The following CELSR1 variants were observed in gnomAD, a reference collection of about 807,000 sequenced individuals.
CELSR1 encodes the protein cadherin EGF LAG seven-pass G-type receptor 1.
Under a neutral mutation model 249.1 loss-of-function variants are expected in CELSR1, and 110 were observed. That is an observed-to-expected ratio of 0.44 (90% CI 0.38 to 0.52). CELSR1 has a LOEUF of 0.52. Among genes scored for constraint, CELSR1 ranks in the 20% least tolerant of loss-of-function variants. The pLI is 0.00. For synonymous variants in CELSR1, 2,113 were observed against 1,900.0 expected (o/e 1.11, Z -2.92); for missense variants, 4,109 against 4,296.4 (o/e 0.96, Z 1.22).
In CELSR1 at chr22:46,394,145, G is replaced by A. The variant is rs1472036032; in HGVS notation, c.5961C>T (p.Cys1987=). 6.2e-7 allele frequency: 1 copy of A among 1,613,738 alleles called. No individual in the cohort carries two copies. Among genetic ancestry groups the A allele is most frequent in the African/African-American group, 1.3e-5 (1 of 75,064 alleles). Reference sequence around the variant, plus strand: ...GATCATGGGGGCGGGGCCTCACCTTGCATTGGCACTGGCCGTTGGTCTTAT... The same window carrying A: ...GATCATGGGGGCGGGGCCTCACCTTACATTGGCACTGGCCGTTGGTCTTAT... The part of the protein sequence containing the change: ...DCNKTNGQCQ[C]KENYYKLLAQ... The change falls in exon 14 of 35, where the codon TGC becomes TGT. Residue 1987 remains cysteine, a synonymous_variant. Transcript: ENST00000674500.
rs192624697 is a variant in CELSR1 at position 46,440,489 on chromosome 22, G to A, written c.4184-1078C>T. On this transcript the variant is annotated intron_variant, in intron 2 of 34. Transcript: ENST00000674500. This position sits in a 1 kb window ranked among gnomAD's most constrained non-coding sequence, Gnocchi z 4.7. The stretch of plus-strand genomic sequence containing the variant: ...GCTGGGATTACAGGCGTGAGCCACC[G>A]CGCCCGGCCAGTATGATCAATCTTT... 1.7e-3 allele frequency among the ~76,000 whole-genome samples: 254 copies of A among 152,308 alleles called. 1 individual carries two copies. The highest frequency in any genetic ancestry group is 5.1e-3 in the Admixed American group (78 of 15,300).
intron 2 of CELSR1, among the ~76,000 whole-genome samples, chr22:46,460,214 C>T (rs1569179967): frequency 6.6e-6 from 1 of 151,852 alleles, no homozygotes; most frequent in Non-Finnish European, 1.5e-5. Flanking sequence ...CACACACACA[C>T]ACCCATTAGC....
chr22:46,464,414 C>T lies in CELSR1; in HGVS notation c.3545-69G>A. On this transcript the variant is annotated intron_variant, in intron 1 of 34. Coordinates refer to ENST00000674500, the MANE Select transcript of CELSR1 (RefSeq NM_001378328.1). The surrounding 1 kb of genome is among the most constrained non-coding windows in gnomAD (Gnocchi z 8.5). ...GTCACAGGTCCTATAGGCCCCATCC[C>T]AGGAGCAGCCTCAGGCATGCTTGGC... is the stretch of plus-strand genomic sequence containing the variant. 6.6e-7 allele frequency: 1 copy of T among 1,517,374 alleles called. No individual in the cohort carries two copies. 94.0% of individuals were successfully genotyped at this position (1,517,374 alleles called of 1,614,324 possible). A position where few individuals can be genotyped will look rare whatever the true frequency, so the allele number is the denominator to read the frequency against.
In CELSR1 at chr22:46,364,711, C is replaced by G. The variant is rs145497298; in HGVS notation, c.8580G>C (p.Pro2860=). The stretch of plus-strand genomic sequence containing the variant: ...CCAGGCTCTGGTCGGGCCAGCCGGC[C>G]GGAACGTGGTTGGCCACAGCGTCCC... ...PKGDAVANHV[P]AGWPDQSLAE... Residue 2860 remains proline, a synonymous_variant, in exon 33 of 35, where the codon CCG becomes CCC. Coordinates refer to ENST00000674500, the MANE Select transcript of CELSR1 (RefSeq NM_001378328.1). 5 of 1,612,274 alleles carry G rather than the reference C, an allele frequency of 3.1e-6. No homozygotes were observed. Among genetic ancestry groups the G allele is most frequent in the Non-Finnish European group, 3.4e-6 (4 of 1,179,832 alleles).
intron 20 of CELSR1, among the ~76,000 whole-genome samples, chr22:46,382,546 G>T (rs1422343106): frequency 1.3e-5 from 2 of 152,096 alleles, no homozygotes; most frequent in Admixed American, 1.3e-4. Flanking sequence ...AAAGTGCTGG[G>T]ATTACAGCCG....
rs780558309 is a variant in CELSR1 at position 46,365,251 on chromosome 22, G to A, written c.8534C>T (p.Ala2845Val). Residue 2845 changes from alanine (A) to valine (V), a missense_variant, in exon 32 of 35, where the codon GCC becomes GTC. By Grantham distance (64) the Ala-to-Val change is moderately conservative (BLOSUM62 0). Coordinates refer to ENST00000674500, the MANE Select transcript of CELSR1 (RefSeq NM_001378328.1). ...CTCACCTTTGGGGGTGCTGTGGACGGCGCCCCTGGCCGGGTCCCATTTTTC... is the reference window on the plus strand; with the variant it reads ...CTCACCTTTGGGGGTGCTGTGGACGACGCCCCTGGCCGGGTCCCATTTTTC... ...AEEKWDPARG[A>V]VHSTPKGDAV... The A allele has an allele frequency of 6.2e-7, 1 of 1,612,178 alleles. No homozygotes were observed. The highest frequency in any genetic ancestry group is 8.5e-7 in the Non-Finnish European group (1 of 1,179,906).
chr22:46,375,213 C>T (rs1270525720), intron 24 of CELSR1, among the ~76,000 whole-genome samples: 3 of 152,208 alleles, frequency 2.0e-5, no homozygotes, highest in Non-Finnish European at 4.4e-5. Flanking sequence ...GCCGGTCCAG[C>T]CCCACAGACA....
intron 5 of CELSR1, among the ~76,000 whole-genome samples, chr22:46,424,414 C>T (rs2079514596): frequency 6.6e-6 from 1 of 152,094 alleles, no homozygotes; most frequent in Non-Finnish European, 1.5e-5. Context: ...TATTTTGAGA[C>T]AATTTTAGAG....
rs1304418235 is a variant in CELSR1, at chr22:46,401,286, G to A, written c.5227-1384C>T. 2.6e-5 allele frequency among the ~76,000 whole-genome samples: 4 copies of A among 152,192 alleles called. No homozygotes were observed. Among genetic ancestry groups the A allele is most frequent in the African/African-American group, 4.8e-5 (2 of 41,442 alleles). Reference sequence around the variant, plus strand: ...TAAAATAAGGTAGGCCAAGGGCAGCGTGAAAATCTTAGATCTCCTAAGAAA... The same window carrying A: ...TAAAATAAGGTAGGCCAAGGGCAGCATGAAAATCTTAGATCTCCTAAGAAA... On this transcript the variant is annotated intron_variant, in intron 9 of 34. Transcript: ENST00000674500. This position sits in a 1 kb window ranked among gnomAD's most constrained non-coding sequence, Gnocchi z 4.7.
At chr22:46,508,070 G>A (rs534553009) in intron 1 of CELSR1, among the ~76,000 whole-genome samples, 1 of 152,242 alleles carries the variant, frequency 6.6e-6, no homozygotes, top group South Asian at 2.1e-4. Context: ...CTCTGGTCCT[G>A]GCCCACAGGC....
chr22:46,399,834 G>A lies in CELSR1; in HGVS notation c.5295C>T (p.Ser1765=), dbSNP rs762928240. The A allele has an allele frequency of 8.1e-6, 13 of 1,613,992 alleles. No individual in the cohort carries two copies. The highest frequency in any genetic ancestry group is 6.7e-5 in the African/African-American group (5 of 74,902). Reference sequence around the variant, plus strand: ...ACTCCCCGTCGGTCACCCGCAACCCGGACAGCATCACGGACTCCACATCGG... The same window carrying A: ...ACTCCCCGTCGGTCACCCGCAACCCAGACAGCATCACGGACTCCACATCGG... ...GPSDVESVML[S]GLRVTDGEWH... Residue 1765 remains serine, a synonymous_variant, in exon 10 of 35, where the codon TCC becomes TCT. Coordinates refer to ENST00000674500, the MANE Select transcript of CELSR1 (RefSeq NM_001378328.1). This position sits in a 1 kb window ranked among gnomAD's most constrained non-coding sequence, Gnocchi z 5.0.
chr22:46,537,356 T>C lies in CELSR1; in HGVS notation c.-186A>G, dbSNP rs1375500435. 6.7e-6 allele frequency among the ~76,000 whole-genome samples: 1 copy of C among 148,212 alleles called. No homozygotes were observed. The highest frequency in any genetic ancestry group is 2.4e-5 in the African/African-American group (1 of 40,872). ...CCACGCGCCCGGCCTCCCCCGCAGCTTCCACTTCGAGAGCACTTTGCGAAA... is the reference window on the plus strand; with the variant it reads ...CCACGCGCCCGGCCTCCCCCGCAGCCTCCACTTCGAGAGCACTTTGCGAAA... On this transcript the variant is annotated 5_prime_UTR_variant, in exon 1 of 35. Coordinates refer to ENST00000674500, the MANE Select transcript of CELSR1 (RefSeq NM_001378328.1). The surrounding 1 kb of genome is among the most constrained non-coding windows in gnomAD (Gnocchi z 5.8).
rs1241467497 is a variant in CELSR1, at chr22:46,438,279, C to G, written c.4406+910G>C. Among the ~76,000 whole-genome samples, 3 of 152,130 alleles carry G rather than the reference C, an allele frequency of 2.0e-5. No homozygotes were observed. In the South Asian group the frequency reaches 6.2e-4, roughly 32 times the overall value. On this transcript the variant is annotated intron_variant, in intron 3 of 34. Transcript: ENST00000674500. ...CGGAGCCCGGAGCCCACTTGGGAGCCTGGACACTTGGCAAAGAGAAACTAG... is the reference window on the plus strand; with the variant it reads ...CGGAGCCCGGAGCCCACTTGGGAGCGTGGACACTTGGCAAAGAGAAACTAG...
Position 46,535,658 on chromosome 22 carries a change from C to A in CELSR1, c.1513G>T (p.Gly505Cys). 6.2e-7 allele frequency: 1 copy of A among 1,613,230 alleles called. No homozygotes were observed. The highest frequency in any genetic ancestry group is 8.5e-7 in the Non-Finnish European group (1 of 1,180,038). The change falls in exon 1 of 35, where the codon GGC (glycine) becomes TGC (cysteine). Residue 505 changes from glycine (G) to cysteine (C), a missense_variant. Gly to Cys is a radical substitution (Grantham distance 159). This residue lies in a region of CELSR1 where 135 missense variants were observed against 190.0 expected (regional missense o/e 0.71). Transcript: ENST00000674500. ...CTCAGCGAGTGCAGGTAGAACTGGC[C>A]GGCCACGTTCCCGCTGAGGATGCTG... is the stretch of plus-strand genomic sequence containing the variant. ...HYSILSGNVAGQFYLHSLSGI... is the reference protein window; with the variant it reads ...HYSILSGNVACQFYLHSLSGI...
intron 5 of CELSR1, among the ~76,000 whole-genome samples, chr22:46,414,278 GCGGCCAC>G (rs2079371521): frequency 6.6e-6 from 1 of 152,222 alleles, no homozygotes; most frequent in East Asian, 1.9e-4. Flanking sequence ...ACACCCACCG[GCGGCCAC>G]TGGGTCAAAA....
intron 1 of CELSR1, among the ~76,000 whole-genome samples, chr22:46,493,024 G>T (rs991802645): frequency 6.6e-6 from 1 of 152,234 alleles, no homozygotes; most frequent in African/African-American, 2.4e-5. Flanking sequence ...TGGGAGGATC[G>T]CTTGAGGCTG....
At chr22:46,489,080 C>T (rs916744583) in intron 1 of CELSR1, among the ~76,000 whole-genome samples, 6 of 152,112 alleles carry the variant, frequency 3.9e-5, no homozygotes, top group African/African-American at 1.4e-4. Flanking sequence ...CTGCTGGTCA[C>T]CCAGACTAAC....
rs2079820442 is a variant in CELSR1 at position 46,446,364 on chromosome 22, G to A, written c.4184-6953C>T. ...GAAGCTCGGGCCACCTGCCTGCTTA[G>A]GGTGACCCTGGGGGCTCTCATGGAC... On this transcript the variant is annotated intron_variant, in intron 2 of 34. Transcript: ENST00000674500. This position sits in a 1 kb window ranked among gnomAD's most constrained non-coding sequence, Gnocchi z 5.5. 6.6e-6 allele frequency among the ~76,000 whole-genome samples: 1 copy of A among 152,158 alleles called. No individual in the cohort carries two copies.
chr22:46,418,328 C>CA (rs1034526566), intron 5 of CELSR1, among the ~76,000 whole-genome samples: 6 of 151,574 alleles, frequency 4.0e-5, no homozygotes, highest in African/African-American at 9.7e-5. Context: ...TGAAAAAATA[C>CA]AAAAAAAATT....
Sources: gnomAD v4.1 joint callset for allele counts (sites outside exome capture counted in the v4.1 genomes callset) on GRCh38, gnomAD v4.1.1 for gene constraint, gnomAD v4.1.1 regional missense constraint, Gnocchi (gnomAD v3.1) non-coding constraint, MANE v1.5 for transcripts, NCBI Gene and HGNC (gene_info 2026-07-23, HGNC 2026-07-21) for gene names.